Variants in HMX3 observed in about 807,000 individuals in gnomAD.
HMX3 encodes the protein H6 family homeobox 3.
In HMX3, 8 loss-of-function variants were observed where a neutral mutation model predicts 22.8. The ratio of observed to expected loss-of-function variants is 0.35; its 90% CI spans 0.21 to 0.63. The LOEUF (loss-of-function observed/expected upper bound fraction) is 0.63, where lower values mean the gene tolerates loss of function less well. Ranked by LOEUF, HMX3 falls within the 30% of genes least tolerant of loss-of-function variation. HMX3 has a pLI of 0.72. For missense variants in HMX3, 527 were observed against 520.6 expected (o/e 1.01, Z -0.12); for synonymous variants, 331 against 250.9 (o/e 1.32, Z -3.02).
chr10:123,136,508 C>T lies in HMX3; in HGVS notation c.400+58C>T. The T allele has an allele frequency of 7.9e-7, 1 of 1,266,240 alleles. No individual in the cohort carries two copies. Among genetic ancestry groups the T allele is most frequent in the South Asian group, 2.3e-5 (1 of 43,608 alleles). 78.4% of individuals were successfully genotyped at this position (1,266,240 alleles called of 1,614,324 possible). A position where few individuals can be genotyped will look rare whatever the true frequency, so the allele number is the denominator to read the frequency against. On this transcript the variant is annotated intron_variant, in intron 1 of 1. Transcript: ENST00000357878. The surrounding 1 kb of genome is among the most constrained non-coding windows in gnomAD (Gnocchi z 4.8). The stretch of plus-strand genomic sequence containing the variant: ...CCTGCGCGCCCGCCCCGTCCCCGCC[C>T]CGCGCTGCTTCCCTCCGCAGTTCTG...
In HMX3 at chr10:123,137,247, G is replaced by C. The variant is rs764458020; in HGVS notation, c.590G>C (p.Gly197Ala). ...KEGEAAPGAA[G>A]ASVGAAAATP... ...GGCGAAGCGGCGCCAGGCGCGGCCG[G>C]GGCGAGCGTAGGGGCGGCGGCGGCC... Residue 197 changes from glycine (G) to alanine (A), a missense_variant, in exon 2 of 2, where the codon GGG becomes GCG. Gly to Ala is a moderately conservative substitution (Grantham distance 60, BLOSUM62 0). Transcript: ENST00000357878. The surrounding 1 kb of genome is among the most constrained non-coding windows in gnomAD (Gnocchi z 5.8). The C allele has an allele frequency of 1.3e-6, 2 of 1,592,990 alleles. No individual in the cohort carries two copies. The highest frequency in any genetic ancestry group is 1.1e-5 in the South Asian group (1 of 89,010).
Position 123,136,765 on chromosome 10 carries a change from C to G in HMX3, c.401-293C>G, listed in dbSNP as rs1589678346. The stretch of plus-strand genomic sequence containing the variant: ...GGAAGGAGGGGGTGATTCCAATGCG[C>G]CTAAGCCGAAAGGGAACCGTTCTGC... On this transcript the variant is annotated intron_variant, in intron 1 of 1. Coordinates refer to ENST00000357878, the MANE Select transcript of HMX3 (RefSeq NM_001105574.2). The surrounding 1 kb of genome is among the most constrained non-coding windows in gnomAD (Gnocchi z 4.8). Among the ~76,000 whole-genome samples, 2 of 152,250 alleles carry G rather than the reference C, an allele frequency of 1.3e-5. No individual in the cohort carries two copies. The highest frequency in any genetic ancestry group is 3.9e-4 in the East Asian group (2 of 5,150).
rs909225515 is a variant in HMX3 at position 123,137,335 on chromosome 10, CAAG to C, written c.686_688del (p.Lys229del). The C allele has an allele frequency of 1.2e-5, 19 of 1,612,104 alleles. No homozygotes were observed. Among genetic ancestry groups the C allele is most frequent in the East Asian group, 2.2e-5 (1 of 44,826 alleles). The stretch of plus-strand genomic sequence containing the variant: ...GTCCAGAGAAGAAGCCGGCGTGCCG[CAAG>C]AAGAAGACGCGCACAGTCTTCTCGC... On this transcript the variant is annotated inframe_deletion, in exon 2 of 2. Transcript: ENST00000357878. This position sits in a 1 kb window ranked among gnomAD's most constrained non-coding sequence, Gnocchi z 5.8.
Position 123,136,543 on chromosome 10 carries a change from C to A in HMX3, c.400+93C>A. ...TCCCTCCGCAGTTCTGGGACCCCAG[C>A]ACCCGCAAACCCTCTGCTCGGTCAG... On this transcript the variant is annotated intron_variant, in intron 1 of 1. Coordinates refer to ENST00000357878, the MANE Select transcript of HMX3 (RefSeq NM_001105574.2). The surrounding 1 kb of genome is among the most constrained non-coding windows in gnomAD (Gnocchi z 4.8). 1.9e-6 allele frequency: 2 copies of A among 1,029,004 alleles called. No individual in the cohort carries two copies. The highest frequency in any genetic ancestry group is 1.7e-5 in the African/African-American group (1 of 59,686). The allele number at this position is 1,029,004 out of a possible 1,614,324, so 63.7% of individuals were successfully genotyped here.
rs1844084688 is a variant in HMX3 at position 123,137,094 on chromosome 10, C to T, written c.437C>T (p.Ala146Val). The T allele has an allele frequency of 6.2e-7, 1 of 1,611,054 alleles. No individual in the cohort carries two copies. Residue 146 changes from alanine to valine, a missense_variant, in exon 2 of 2, where the codon GCC becomes GTC. Physicochemically the swap from Ala to Val is moderately conservative, Grantham distance 64 (BLOSUM62 0). This residue lies in a region of HMX3 where 386 missense variants were observed against 337.8 expected (regional missense o/e 1.14). Transcript: ENST00000357878. The surrounding 1 kb of genome is among the most constrained non-coding windows in gnomAD (Gnocchi z 5.8). ...GCCTTGCTGAGAGACTCCTCCCCCGCCTCCGGCACAGACCGCGACTCTCCG... is the reference window on the plus strand; with the variant it reads ...GCCTTGCTGAGAGACTCCTCCCCCGTCTCCGGCACAGACCGCGACTCTCCG... ...EKALLRDSSP[A>V]SGTDRDSPEP...
chr10:123,137,346 C>A lies in HMX3; in HGVS notation c.689C>A (p.Thr230Lys), dbSNP rs751437973. The change falls in exon 2 of 2, where the codon ACG becomes AAG. Residue 230 changes from threonine (T) to lysine (K), a missense_variant. By Grantham distance (78) the Thr-to-Lys change is moderately conservative (BLOSUM62 -1). Coordinates refer to ENST00000357878, the MANE Select transcript of HMX3 (RefSeq NM_001105574.2). This position sits in a 1 kb window ranked among gnomAD's most constrained non-coding sequence, Gnocchi z 5.8. ...EKKPACRKKK[T>K]RTVFSRSQVF... Reference sequence around the variant, plus strand: ...AAGCCGGCGTGCCGCAAGAAGAAGACGCGCACAGTCTTCTCGCGCAGCCAG... The same window carrying A: ...AAGCCGGCGTGCCGCAAGAAGAAGAAGCGCACAGTCTTCTCGCGCAGCCAG... 1.2e-6 allele frequency: 2 copies of A among 1,612,838 alleles called. No individual in the cohort carries two copies. Among genetic ancestry groups the A allele is most frequent in the Non-Finnish European group, 1.7e-6 (2 of 1,179,730 alleles).
Position 123,139,166 on chromosome 10 carries a change from T to G in HMX3, c.*1435T>G, listed in dbSNP as rs1021238086. ...TGAAGGACAATCAATTTAGCAGAAT[T>G]TTAACTTATTTGATAAATGTACAGA... is the stretch of plus-strand genomic sequence containing the variant. On this transcript the variant is annotated 3_prime_UTR_variant, in exon 2 of 2. Transcript: ENST00000357878. Among the ~76,000 whole-genome samples, 3 of 152,160 alleles carry G rather than the reference T, an allele frequency of 2.0e-5. No individual in the cohort carries two copies. Among genetic ancestry groups the G allele is most frequent in the African/African-American group, 7.2e-5 (3 of 41,424 alleles).
At position 123,136,121 on chromosome 10, in the gene HMX3, C is replaced by A. The variant is rs778583099; in HGVS notation, c.71C>A (p.Pro24His). The change falls in exon 1 of 2, where the codon CCC becomes CAC. Residue 24 changes from proline (P) to histidine (H), a missense_variant. Pro to His is a moderately conservative substitution (Grantham distance 77). Coordinates refer to ENST00000357878, the MANE Select transcript of HMX3 (RefSeq NM_001105574.2). The surrounding 1 kb of genome is among the most constrained non-coding windows in gnomAD (Gnocchi z 4.8). ...AQPQPPPPPP[P>H]APKESPFSIK... ...CCCCAACCGCCGCCGCCCCCCCCAC[C>A]CGCTCCCAAGGAGTCCCCGTTCTCC... 2.2e-6 allele frequency: 3 copies of A among 1,380,508 alleles called. No homozygotes were observed. Among genetic ancestry groups the A allele is most frequent in the South Asian group, 3.5e-5 (2 of 56,364 alleles). The allele number at this position is 1,380,508 out of a possible 1,614,324, so 85.5% of individuals were successfully genotyped here.
At position 123,138,415 on chromosome 10, in the gene HMX3, T is replaced by G. The variant is rs993603854; in HGVS notation, c.*684T>G. ...CGCCCGCCTCGGCCTCCCAAAGTGC[T>G]GGGATTACAGGCGTGAGCCACTGCG... On this transcript the variant is annotated 3_prime_UTR_variant, in exon 2 of 2. Coordinates refer to ENST00000357878, the MANE Select transcript of HMX3 (RefSeq NM_001105574.2). 1.3e-5 allele frequency among the ~76,000 whole-genome samples: 2 copies of G among 152,194 alleles called. No homozygotes were observed. The highest frequency in any genetic ancestry group is 2.4e-5 in the African/African-American group (1 of 41,450).
At position 123,136,139 on chromosome 10, in the gene HMX3, C is replaced by G. The variant is rs747739210; in HGVS notation, c.89C>G (p.Pro30Arg). ...CCCCCACCCGCTCCCAAGGAGTCCC[C>G]GTTCTCCATCAAGAACCTGCTCAAC... ...PPPPPAPKES[P>R]FSIKNLLNGD... Residue 30 changes from proline (P) to arginine (R), a missense_variant, in exon 1 of 2, where the codon CCG becomes CGG. Coordinates refer to ENST00000357878, the MANE Select transcript of HMX3 (RefSeq NM_001105574.2). This position sits in a 1 kb window ranked among gnomAD's most constrained non-coding sequence, Gnocchi z 4.8. 3.5e-6 allele frequency: 5 copies of G among 1,410,246 alleles called. No homozygotes were observed. The highest frequency in any genetic ancestry group is 3.7e-6 in the Non-Finnish European group (4 of 1,079,904). 87.4% of individuals were successfully genotyped at this position (1,410,246 alleles called of 1,614,324 possible).
Position 123,135,997 on chromosome 10 carries a change from C to T in HMX3, c.-54C>T, listed in dbSNP as rs1844066641. On this transcript the variant is annotated 5_prime_UTR_variant, in exon 1 of 2. Transcript: ENST00000357878. ...TTTCCGGCCTCTCGCCTGCTCGCCC[C>T]GCCGCCCGCCTGTCCCGCTCCCTCC... The T allele has an allele frequency of 3.1e-6, 4 of 1,303,218 alleles. No homozygotes were observed. Among genetic ancestry groups the T allele is most frequent in the Admixed American group, 4.2e-5 (1 of 23,942 alleles). The allele number at this position is 1,303,218 out of a possible 1,614,324, so 80.7% of individuals were successfully genotyped here. A position where few individuals can be genotyped will look rare whatever the true frequency, so the allele number is the denominator to read the frequency against.
chr10:123,136,119 A>AC lies in HMX3; in HGVS notation c.72dup (p.Ala25ArgfsTer23). 2 of 446,188 alleles carry AC rather than the reference A, an allele frequency of 4.5e-6. No individual in the cohort carries two copies. The highest frequency in any genetic ancestry group is 6.1e-6 in the Non-Finnish European group (2 of 328,340). 27.6% of individuals were successfully genotyped at this position (446,188 alleles called of 1,614,324 possible). ...AGCCCCAACCGCCGCCGCCCCCCCC[A>AC]CCCGCTCCCAAGGAGTCCCCGTTCT... On this transcript the variant is annotated frameshift_variant, in exon 1 of 2. Coordinates refer to ENST00000357878, the MANE Select transcript of HMX3 (RefSeq NM_001105574.2). LOFTEE classifies it high-confidence loss of function. This position sits in a 1 kb window ranked among gnomAD's most constrained non-coding sequence, Gnocchi z 4.8.
Position 123,136,448 on chromosome 10 carries a change from A to C in HMX3, c.398A>C (p.Glu133Ala), listed in dbSNP as rs1246359146. 1.4e-6 allele frequency: 2 copies of C among 1,430,562 alleles called. No individual in the cohort carries two copies. Among genetic ancestry groups the C allele is most frequent in the South Asian group, 1.6e-5 (1 of 64,466 alleles). 88.6% of individuals were successfully genotyped at this position (1,430,562 alleles called of 1,614,324 possible). ...GCCGGCGGCCACCTCCCGCGACCTG[A>C]AGGTACCGACCTCTCTTTGAACTTT... ...TPAGGHLPRP[E>A]ASEKALLRDS... Residue 133 changes from glutamate to alanine, a missense_variant and splice_region_variant, in exon 1 of 2, where the codon GAA becomes GCA. Glu to Ala is a moderately radical substitution (Grantham distance 107). This residue lies in a region of HMX3 where 386 missense variants were observed against 337.8 expected (regional missense o/e 1.14). Coordinates refer to ENST00000357878, the MANE Select transcript of HMX3 (RefSeq NM_001105574.2). The surrounding 1 kb of genome is among the most constrained non-coding windows in gnomAD (Gnocchi z 4.8).
In HMX3 at chr10:123,139,044, G is replaced by A. The variant is rs557358157; in HGVS notation, c.*1313G>A. Among the ~76,000 whole-genome samples the A allele has an allele frequency of 3.3e-5, 5 of 152,178 alleles. No individual in the cohort carries two copies. Among genetic ancestry groups the A allele is most frequent in the African/African-American group, 9.6e-5 (4 of 41,512 alleles). ...CTGTATAATCATGGTCATTCATTTA[G>A]AAAGAAAAAAGTAGGCAGGGGAAAG... is the stretch of plus-strand genomic sequence containing the variant. On this transcript the variant is annotated 3_prime_UTR_variant, in exon 2 of 2. Coordinates refer to ENST00000357878, the MANE Select transcript of HMX3 (RefSeq NM_001105574.2).
Position 123,137,395 on chromosome 10 carries a change from C to T in HMX3, c.738C>T (p.Phe246=). The T allele has an allele frequency of 6.2e-7, 1 of 1,613,476 alleles. No individual in the cohort carries two copies. The highest frequency in any genetic ancestry group is 8.5e-7 in the Non-Finnish European group (1 of 1,179,948). Reference sequence around the variant, plus strand: ...AGGTCTTCCAGCTCGAGTCCACCTTCGACATGAAGCGCTATCTGAGCAGCT... The same window carrying T: ...AGGTCTTCCAGCTCGAGTCCACCTTTGACATGAAGCGCTATCTGAGCAGCT... ...RSQVFQLEST[F]DMKRYLSSSE... is the part of the protein sequence containing the mutation. The change falls in exon 2 of 2, where the codon TTC becomes TTT. Residue 246 remains phenylalanine (F), a synonymous_variant. Coordinates refer to ENST00000357878, the MANE Select transcript of HMX3 (RefSeq NM_001105574.2). This position sits in a 1 kb window ranked among gnomAD's most constrained non-coding sequence, Gnocchi z 5.8.
rs1844098111 is a variant in HMX3 at position 123,138,102 on chromosome 10, G to C, written c.*371G>C. ...CTTTTTGGTTTTATTTTTATAGAAG[G>C]AAAATAAGCGCAAAACCTAAATCCC... On this transcript the variant is annotated 3_prime_UTR_variant, in exon 2 of 2. Coordinates refer to ENST00000357878, the MANE Select transcript of HMX3 (RefSeq NM_001105574.2). Among the ~76,000 whole-genome samples the C allele has an allele frequency of 6.6e-6, 1 of 150,676 alleles. No homozygotes were observed. Among genetic ancestry groups the C allele is most frequent in the Admixed American group, 6.6e-5 (1 of 15,126 alleles).
At position 123,137,351 on chromosome 10, in the gene HMX3, A is replaced by G. The variant is rs1844088620; in HGVS notation, c.694A>G (p.Thr232Ala). ...GGCGTGCCGCAAGAAGAAGACGCGCACAGTCTTCTCGCGCAGCCAGGTCTT... is the reference window on the plus strand; with the variant it reads ...GGCGTGCCGCAAGAAGAAGACGCGCGCAGTCTTCTCGCGCAGCCAGGTCTT... ...KPACRKKKTR[T>A]VFSRSQVFQL... The change falls in exon 2 of 2, where the codon ACA (threonine) becomes GCA (alanine). Residue 232 changes from threonine to alanine, a missense_variant. This residue lies in a region of HMX3 where 41 missense variants were observed against 80.6 expected (regional missense o/e 0.51). Coordinates refer to ENST00000357878, the MANE Select transcript of HMX3 (RefSeq NM_001105574.2). This position sits in a 1 kb window ranked among gnomAD's most constrained non-coding sequence, Gnocchi z 5.8. 1 of 1,612,944 alleles carries G rather than the reference A, an allele frequency of 6.2e-7. No individual in the cohort carries two copies. Among genetic ancestry groups the G allele is most frequent in the Admixed American group, 1.7e-5 (1 of 59,968 alleles).
chr10:123,137,299 G>A lies in HMX3; in HGVS notation c.642G>A (p.Lys214=), dbSNP rs1254352654. ...AATPGAEDWK[K]GAESPEKKPA... ...CTCCGGGCGCAGAAGACTGGAAGAA[G>A]GGCGCTGAAAGTCCAGAGAAGAAGC... Residue 214 remains lysine, a synonymous_variant, in exon 2 of 2, where the codon AAG becomes AAA. Coordinates refer to ENST00000357878, the MANE Select transcript of HMX3 (RefSeq NM_001105574.2). This position sits in a 1 kb window ranked among gnomAD's most constrained non-coding sequence, Gnocchi z 5.8. 1 of 1,604,358 alleles carries A rather than the reference G, an allele frequency of 6.2e-7. No homozygotes were observed. Among genetic ancestry groups the A allele is most frequent in the Non-Finnish European group, 8.5e-7 (1 of 1,175,742 alleles).
chr10:123,137,361 C>T lies in HMX3; in HGVS notation c.704C>T (p.Ser235Leu), dbSNP rs372769291. The T allele has an allele frequency of 1.9e-6, 3 of 1,613,074 alleles. No individual in the cohort carries two copies. The highest frequency in any genetic ancestry group is 1.1e-5 in the South Asian group (1 of 91,068). ...CRKKKTRTVFSRSQVFQLEST... is the reference protein window; with the variant it reads ...CRKKKTRTVFLRSQVFQLEST... Reference sequence around the variant, plus strand: ...AAGAAGAAGACGCGCACAGTCTTCTCGCGCAGCCAGGTCTTCCAGCTCGAG... The same window carrying T: ...AAGAAGAAGACGCGCACAGTCTTCTTGCGCAGCCAGGTCTTCCAGCTCGAG... Residue 235 changes from serine (S) to leucine (L), a missense_variant, in exon 2 of 2, where the codon TCG becomes TTG. This residue lies in a region of HMX3 where 41 missense variants were observed against 80.6 expected (regional missense o/e 0.51). Coordinates refer to ENST00000357878, the MANE Select transcript of HMX3 (RefSeq NM_001105574.2). This position sits in a 1 kb window ranked among gnomAD's most constrained non-coding sequence, Gnocchi z 5.8.
Sources: gnomAD v4.1 joint callset for allele counts (sites outside exome capture counted in the v4.1 genomes callset) on GRCh38, gnomAD v4.1.1 for gene constraint, gnomAD v4.1.1 regional missense constraint, Gnocchi (gnomAD v3.1) non-coding constraint, MANE v1.5 for transcripts, NCBI Gene and HGNC (gene_info 2026-07-23, HGNC 2026-07-21) for gene names.